The following CDKL4 variants were observed in gnomAD, a reference collection of about 807,000 sequenced individuals.
CDKL4 encodes the protein cyclin dependent kinase like 4.
CDKL4 carries 44 observed loss-of-function variants against 42.0 expected under a neutral mutation model. The ratio of observed to expected loss-of-function variants is 1.05; its 90% CI spans 0.82 to 1.35. The LOEUF is 1.35. Among genes scored for constraint, CDKL4 ranks in the 40% most tolerant of loss-of-function variants. The probability of loss-of-function intolerance (pLI) is 0.00; values close to 1 mark genes in which losing one functional copy is unlikely to be tolerated. For synonymous variants in CDKL4, 120 were observed against 121.6 expected (o/e 0.99, Z 0.09); for missense variants, 393 against 369.9 (o/e 1.06, Z -0.51).
intron 9 of CDKL4, among the ~76,000 whole-genome samples, chr2:39,177,194 C>A (rs1016638169): frequency 2.6e-5 from 4 of 152,180 alleles, no homozygotes; most frequent in African/African-American, 7.2e-5. Flanking sequence ...AGCTGGGTTG[C>A]AGGCATTGAA....
chr2:39,184,015 T>C (rs1448131106), intron 8 of CDKL4, among the ~76,000 whole-genome samples: 2 of 152,186 alleles, frequency 1.3e-5, no homozygotes, highest in African/African-American at 4.8e-5. Context: ...AAGATACACA[T>C]GCCAAGGTCC....
At chr2:39,197,139 C>T (rs564719850) in intron 5 of CDKL4, among the ~76,000 whole-genome samples, 3 of 152,252 alleles carry the variant, frequency 2.0e-5, no homozygotes, top group African/African-American at 7.2e-5. Context: ...AAAAAACAGT[C>T]ACAACTTCTG....
chr2:39,187,534 G>T, intron 7 of CDKL4, 93 bp downstream of exon 7: 1 of 887,264 alleles, frequency 1.1e-6, no homozygotes, highest in Non-Finnish European at 1.7e-6. Context: ...GACAGAGTGA[G>T]ACATCATCTC....
Position 39,182,282 on chromosome 2 carries a change from T to C in CDKL4, c.792+2309A>G. On this transcript the variant is annotated intron_variant, in intron 8 of 9. Transcript: ENST00000451199. Reference sequence around the variant, plus strand: ...CTAAGATTACAGGCATGAGCCACCATGCCCAGCCTCATTCATGTTTTTATA... The same window carrying C: ...CTAAGATTACAGGCATGAGCCACCACGCCCAGCCTCATTCATGTTTTTATA... Among the ~76,000 whole-genome samples, 2 of 152,222 alleles carry C rather than the reference T, an allele frequency of 1.3e-5. 1 individual carries two copies. The highest frequency in any genetic ancestry group is 2.9e-5 in the Non-Finnish European group (2 of 68,040).
chr2:39,213,586 G>C (rs10196407), intron 3 of CDKL4, 114 bp from the exon 4 acceptor site: 445,063 of 563,552 alleles, frequency 0.79, 182,485 homozygotes, highest in Non-Finnish European at 0.87. Context: ...AACACCATGC[G>C]GAAGGGTCCT....
chr2:39,180,206 G>A (rs552883928), intron 8 of CDKL4, among the ~76,000 whole-genome samples: 4 of 152,288 alleles, frequency 2.6e-5, no homozygotes, highest in Non-Finnish European at 4.4e-5. Context: ...TAGTGAGACC[G>A]CATCTCTCCT....
At chr2:39,226,970 T>G (rs1457195783) in intron 2 of CDKL4, among the ~76,000 whole-genome samples, 1 of 152,080 alleles carries the variant, frequency 6.6e-6, no homozygotes, top group Non-Finnish European at 1.5e-5. Context: ...TTTCACCATG[T>G]TGGACAGGCT....
At chr2:39,179,076 C>A (rs914033398) in intron 9 of CDKL4, 111 bp downstream of exon 9, 27 of 1,521,300 alleles carry the variant, frequency 1.8e-5, no homozygotes, top group Non-Finnish European at 2.2e-5. Flanking sequence ...TACAACTACA[C>A]CAGTACAAAT....
downstream of CDKL4, among the ~76,000 whole-genome samples, chr2:39,172,775 T>C (rs2148271728): frequency 6.6e-6 from 1 of 152,186 alleles, no homozygotes; most frequent in Admixed American, 6.5e-5. Context: ...AGAGATGGGG[T>C]TTTACCATGT....
intron 1 of CDKL4, among the ~76,000 whole-genome samples, chr2:39,236,813 G>C (rs1295963613): frequency 6.6e-6 from 1 of 152,098 alleles, no homozygotes; most frequent in Non-Finnish European, 1.5e-5. Context: ...TGCCTAGAAA[G>C]ATACAAAATA....
At chr2:39,203,345 G>C (rs1676969767) in intron 5 of CDKL4, among the ~76,000 whole-genome samples, 1 of 152,168 alleles carries the variant, frequency 6.6e-6, no homozygotes, top group Non-Finnish European at 1.5e-5. Flanking sequence ...ACTTTTATAT[G>C]AAATGCTGCT....
intron 4 of CDKL4, among the ~76,000 whole-genome samples, chr2:39,212,957 G>A (rs999382742): frequency 2.6e-5 from 4 of 152,060 alleles, no homozygotes; most frequent in East Asian, 1.9e-4. Flanking sequence ...CCACCATACC[G>A]GCCCTGAAAA....
chr2:39,207,413 A>G (rs1454522293), intron 4 of CDKL4, among the ~76,000 whole-genome samples: 1 of 152,162 alleles, frequency 6.6e-6, no homozygotes, highest in Non-Finnish European at 1.5e-5. Flanking sequence ...TTGGAATATA[A>G]ATGAACATAG....
chr2:39,199,538 A>T (rs1360661448), intron 5 of CDKL4, among the ~76,000 whole-genome samples: 2 of 152,162 alleles, frequency 1.3e-5, no homozygotes, highest in African/African-American at 4.8e-5. Flanking sequence ...ATAACAAAAA[A>T]AGAAAACTAC....
At chr2:39,195,641 ATT>A (rs770948985) in intron 5 of CDKL4, among the ~76,000 whole-genome samples, 236 of 131,374 alleles carry the variant, frequency 1.8e-3, no homozygotes, top group African/African-American at 5.6e-3. Flanking sequence ...TTTTTAATTA[ATT>A]TTTTTTTTTT....
At chr2:39,240,244 T>C (rs1162891866) in intron 1 of CDKL4, among the ~76,000 whole-genome samples, 1 of 78,220 alleles carries the variant, frequency 1.3e-5, no homozygotes, top group East Asian at 3.8e-4. Context: ...ACCCCGTCTC[T>C]ACTTAAAATA....
intron 5 of CDKL4, among the ~76,000 whole-genome samples, chr2:39,201,594 T>C (rs1676852556): frequency 6.6e-6 from 1 of 151,964 alleles, no homozygotes; most frequent in Non-Finnish European, 1.5e-5. Context: ...AACAAGTAGA[T>C]AAAGAAAATG....
chr2:39,240,149 C>A (rs1679587988), intron 1 of CDKL4, among the ~76,000 whole-genome samples: 1 of 151,658 alleles, frequency 6.6e-6, no homozygotes, highest in South Asian at 2.1e-4. Flanking sequence ...GTGGCTCACG[C>A]CTGTAATCCC....
chr2:39,195,798 T>G lies in CDKL4; in HGVS notation c.455-5296A>C, dbSNP rs185325961. On this transcript the variant is annotated intron_variant, in intron 5 of 9. Transcript: ENST00000451199. The stretch of plus-strand genomic sequence containing the variant: ...AGCTGGGATTACTGGTTTGAGCCAC[T>G]GCGCCCTGCCTTATATATCTTCTTT... Among the ~76,000 whole-genome samples the G allele has an allele frequency of 3.4e-3, 519 of 152,128 alleles. 1 individual carries two copies. Among genetic ancestry groups the G allele is most frequent in the Non-Finnish European group, 5.9e-3 (398 of 67,986 alleles).
Sources: gnomAD v4.1 joint callset for allele counts (sites outside exome capture counted in the v4.1 genomes callset) on GRCh38, gnomAD v4.1.1 for gene constraint, MANE v1.5 for transcripts, NCBI Gene and HGNC (gene_info 2026-07-23, HGNC 2026-07-21) for gene names.